The following STK11IP variants were observed in gnomAD, a reference collection of about 807,000 sequenced individuals.
STK11IP encodes the protein serine/threonine kinase 11 interacting protein.
In STK11IP, 103 loss-of-function variants were observed where a neutral mutation model predicts 131.7. That is an observed-to-expected ratio of 0.78 (90% CI 0.67 to 0.92). The LOEUF is 0.92. Among genes scored for constraint, STK11IP ranks in the 40% least tolerant of loss-of-function variants. The pLI is 0.00. For missense variants in STK11IP, 1,315 were observed against 1,385.7 expected, an observed-to-expected ratio of 0.95 and a Z score of 0.81; for synonymous variants, 557 against 575.6, an observed-to-expected ratio of 0.97 and a Z score of 0.46.
rs770663524 is a variant in STK11IP, at chr2:219,615,215, G to T, written c.2991G>T (p.Glu997Asp). The T allele has an allele frequency of 4.4e-5, 70 of 1,596,292 alleles. No individual in the cohort carries two copies. The highest frequency in any genetic ancestry group is 1.2e-4 in the Admixed American group (7 of 58,032). ...CAGCAGCATCTGGCGAAGCCTCTGA[G>T]AAGGTGCCTCCCTCGGGGCCGGGCC... ...SPPAASGEAS[E>D]KVPPSGPGPA... Residue 997 changes from glutamate (E) to aspartate (D), a missense_variant, in exon 24 of 25, where the codon GAG (glutamate) becomes GAT (aspartate). Physicochemically the swap from Glu to Asp is conservative, Grantham distance 45 (BLOSUM62 2). Transcript: ENST00000456909.
intron 21 of STK11IP, 50 bp from the exon 22 acceptor site, chr2:219,614,111 G>T: frequency 3.1e-6 from 5 of 1,603,548 alleles, no homozygotes; most frequent in Non-Finnish European, 4.3e-6. Context: ...GTGAGTTTAG[G>T]CTGGAGGAGA....
At chr2:219,602,886 G>A in intron 7 of STK11IP, 110 bp downstream of exon 7, 1 of 1,065,154 alleles carries the variant, frequency 9.4e-7, no homozygotes, top group Non-Finnish European at 1.4e-6. Flanking sequence ...CCATGAGGGT[G>A]GAGCTGCATT....
At position 219,615,258 on chromosome 2, in the gene STK11IP, G is replaced by T; in HGVS notation, c.3034G>T (p.Glu1012Ter). The T allele has an allele frequency of 6.3e-7, 1 of 1,597,738 alleles. No individual in the cohort carries two copies. The highest frequency in any genetic ancestry group is 2.2e-5 in the East Asian group (1 of 44,676). ...SGPGPAVRVR[E>*]QQPLSSLSSV... ...GCCGGGCCCTGCTGTGCGTGTCAGG[G>T]AGCAGCAGCCACTCAGCAGCCTGAG... Residue 1012 changes from glutamate to a stop codon, truncating the protein, a stop_gained, in exon 24 of 25, where the codon GAG becomes TAG. Coordinates refer to ENST00000456909, the MANE Select transcript of STK11IP (RefSeq NM_052902.4). LOFTEE classifies it high-confidence loss of function.
In STK11IP at chr2:219,608,414, C is replaced by T. The variant is rs764219297; in HGVS notation, c.1587C>T (p.Asp529=). 5.1e-6 allele frequency: 8 copies of T among 1,566,630 alleles called. No homozygotes were observed. The highest frequency in any genetic ancestry group is 2.4e-5 in the South Asian group (2 of 84,560). The change falls in exon 14 of 25, where the codon GAC becomes GAT. Residue 529 remains aspartate (D), a synonymous_variant. Coordinates refer to ENST00000456909, the MANE Select transcript of STK11IP (RefSeq NM_052902.4). ...GAGAGGAGGAAGAAGAGGAGCAGGACCAGAAGGAAGTGGAAGGTGAGCCCT... is the reference window on the plus strand; with the variant it reads ...GAGAGGAGGAAGAAGAGGAGCAGGATCAGAAGGAAGTGGAAGGTGAGCCCT... ...EAGEEEEEEQ[D]QKEVEAELCR...
At chr2:219,611,467 G>GCGC in intron 17 of STK11IP, 137 bp from the exon 18 acceptor site, 1 of 707,258 alleles carries the variant, frequency 1.4e-6, no homozygotes, top group East Asian at 2.6e-5. Context: ...TGGTGGCCTG[G>GCGC]GGCGCGGTGG....
intron 9 of STK11IP, 24 bp from the exon 10 acceptor site, chr2:219,606,171 C>A: frequency 6.4e-7 from 1 of 1,553,684 alleles, no homozygotes; most frequent in Non-Finnish European, 8.7e-7. Flanking sequence ...AGGCCCTCCT[C>A]ATTCTCCCCT....
chr2:219,599,727 G>A (rs1326217446), intron 2 of STK11IP, among the ~76,000 whole-genome samples: 4 of 107,134 alleles, frequency 3.7e-5, no homozygotes, highest in Non-Finnish European at 7.4e-5. Flanking sequence ...ACCAACATCA[G>A]TGTCCTGAAT....
chr2:219,605,553 C>T (rs1256820268), intron 7 of STK11IP, 55 bp from the exon 8 acceptor site: 3 of 1,543,840 alleles, frequency 1.9e-6, no homozygotes, highest in East Asian at 2.5e-5. Flanking sequence ...CTCAGAGGAC[C>T]CTGGCTAGAG....
rs1001898216 is a variant in STK11IP, at chr2:219,606,471, C to T, written c.946-5C>T. 12 of 1,611,074 alleles carry T rather than the reference C, an allele frequency of 7.4e-6. No individual in the cohort carries two copies. The highest frequency in any genetic ancestry group is 6.7e-5 in the Admixed American group (4 of 59,598). On this transcript the variant is annotated splice_polypyrimidine_tract_variant and splice_region_variant and intron_variant, in intron 10 of 24. Transcript: ENST00000456909. ...TACTCCCTCCCCCTTTTTGTCTTTG[C>T]TCAGTTCCTTCTCGATGGCAAGGTC...
chr2:219,605,465 T>C (rs1279741493), intron 7 of STK11IP, 143 bp from the exon 8 acceptor site: 6 of 733,252 alleles, frequency 8.2e-6, no homozygotes, highest in Non-Finnish European at 1.3e-5. Flanking sequence ...AACGTGGGAG[T>C]AGGGGTGGAT....
Position 219,608,346 on chromosome 2 carries a change from A to G in STK11IP, c.1519A>G (p.Lys507Glu), listed in dbSNP as rs561488143. The G allele has an allele frequency of 3.3e-5, 52 of 1,588,892 alleles. No individual in the cohort carries two copies. The highest frequency in any genetic ancestry group is 3.1e-4 in the Admixed American group (17 of 55,022). ...AGAGGAGAAGGAGGGGAAGGAGGAG[A>G]AGGAGGAGGGGGAGATGGTGGAACA... is the stretch of plus-strand genomic sequence containing the variant. ...EEEEKEGKEEKEEGEMVEQGE... is the reference protein window; with the variant it reads ...EEEEKEGKEEEEEGEMVEQGE... The change falls in exon 14 of 25, where the codon AAG becomes GAG. Residue 507 changes from lysine (K) to glutamate (E), a missense_variant. Coordinates refer to ENST00000456909, the MANE Select transcript of STK11IP (RefSeq NM_052902.4).
Position 219,608,161 on chromosome 2 carries a change from C to G in STK11IP, c.1334C>G (p.Pro445Arg). ...CTGGAGCCCTCCGGAAACCCTCTGC[C>G]GGCCACCCCCACTACTTCTGCACCC... ...SHLEPSGNPL[P>R]ATPTTSAPSA... Residue 445 changes from proline to arginine, a missense_variant, in exon 14 of 25, where the codon CCG (proline) becomes CGG (arginine). Transcript: ENST00000456909. The G allele has an allele frequency of 6.2e-7, 1 of 1,613,598 alleles. No homozygotes were observed. Among genetic ancestry groups the G allele is most frequent in the Non-Finnish European group, 8.5e-7 (1 of 1,179,894 alleles).
At position 219,602,495 on chromosome 2, in the gene STK11IP, T is replaced by TTCTGC; in HGVS notation, c.472_476dup (p.Trp162SerfsTer16). On this transcript the variant is annotated frameshift_variant, in exon 6 of 25. Coordinates refer to ENST00000456909, the MANE Select transcript of STK11IP (RefSeq NM_052902.4). LOFTEE classifies it high-confidence loss of function. The stretch of plus-strand genomic sequence containing the variant: ...GCTCCTCTCAGCCTGCGGCGGCGAC[T>TTCTGC]TCTGCTCTGCCCTCCCTTGGCTGGC... 3 of 1,613,994 alleles carry TTCTGC rather than the reference T, an allele frequency of 1.9e-6. No individual in the cohort carries two copies. Among genetic ancestry groups the TTCTGC allele is most frequent in the Non-Finnish European group, 2.5e-6 (3 of 1,179,880 alleles).
chr2:219,602,830 TCTCA>T (rs1698035573), intron 7 of STK11IP, 54 bp downstream of exon 7: 5 of 1,521,152 alleles, frequency 3.3e-6, no homozygotes, highest in South Asian at 2.3e-5. Context: ...ATTGCTCTGC[TCTCA>T]CTCTCTCTCC....
chr2:219,614,318 T>C (rs1698503989), intron 22 of STK11IP, 76 bp downstream of exon 22: 8 of 1,576,474 alleles, frequency 5.1e-6, no homozygotes, highest in African/African-American at 1.3e-5. Flanking sequence ...GGCCCTGTGC[T>C]GAGTAGGTCC....
At position 219,608,780 on chromosome 2, in the gene STK11IP, A is replaced by G. The variant is rs972109588; in HGVS notation, c.1801A>G (p.Arg601Gly). ...EPEAQAQRSP[R>G]PTGSDLLPGA... ...GGAGGCCCAGGCCCAGAGGTCGCCC[A>G]GGCCCACGGTGAGTGGGGCGTGGCA... The change falls in exon 15 of 25, where the codon AGG becomes GGG. Residue 601 changes from arginine (R) to glycine (G), a missense_variant. Transcript: ENST00000456909. 1.2e-6 allele frequency: 2 copies of G among 1,603,138 alleles called. No homozygotes were observed. Among genetic ancestry groups the G allele is most frequent in the South Asian group, 2.2e-5 (2 of 89,682 alleles).
intron 24 of STK11IP, chr2:219,615,754 AGTG>A (rs1302661757): frequency 6.0e-6 from 4 of 665,040 alleles, no homozygotes; most frequent in Non-Finnish European, 1.1e-5. Flanking sequence ...CCCAGTCCAA[AGTG>A]GTGGAGCCGG....
chr2:219,613,254 A>AGGGGGGAGATGGGGGGAGGT, intron 20 of STK11IP, 29 bp downstream of exon 20: 1 of 764,248 alleles, frequency 1.3e-6, no homozygotes, highest in Non-Finnish European at 2.0e-6. Flanking sequence ...GCAGTGAGTA[A>AGGGGGGAGATGGGGGGAGGT]GGGGGGAGAT....
chr2:219,606,957 G>A (rs988241531), intron 12 of STK11IP, 96 bp from the exon 13 acceptor site: 13 of 1,595,208 alleles, frequency 8.1e-6, no homozygotes, highest in African/African-American at 5.4e-5. Context: ...GTGCTTGCAC[G>A]TGGTCAAGGT....
Sources: allele counts gnomAD v4.1 joint callset (sites outside exome capture counted in the v4.1 genomes callset), GRCh38; gene constraint gnomAD v4.1.1; transcripts MANE v1.5; gene names NCBI Gene and HGNC (gene_info 2026-07-23, HGNC 2026-07-21).